IL13RA2: variants seen among roughly 807,000 people sequenced by gnomAD.
IL13RA2 encodes interleukin 13 receptor subunit alpha 2, also known as interleukin-13 receptor subunit alpha-2.
A neutral mutation model predicts 34.1 loss-of-function variants in IL13RA2; 25 were observed. That is an observed-to-expected ratio of 0.73 (90% CI 0.53 to 1.03). IL13RA2 has a LOEUF of 1.03. Among genes scored for constraint, IL13RA2 ranks in the 50% least tolerant of loss-of-function variants. The pLI, the probability that IL13RA2 is intolerant of heterozygous loss-of-function variation, is 0.00. For missense variants in IL13RA2, 297 were observed against 280.9 expected (o/e 1.06, Z -0.41); for synonymous variants, 106 against 100.4 (o/e 1.06, Z -0.33).
At chrX:115,009,208 T>G (rs2071696384) in intron 7 of IL13RA2, among the ~76,000 whole-genome samples, 1 of 107,180 alleles carries the variant, frequency 9.3e-6, no homozygotes, top group African/African-American at 3.4e-5. Flanking sequence ...CTTTGTGGGT[T>G]TTTTTTTTTA....
chrX:115,016,468 T>A (rs1443781766), intron 2 of IL13RA2, among the ~76,000 whole-genome samples: 1 of 109,388 alleles, frequency 9.1e-6, no homozygotes, highest in African/African-American at 3.3e-5. Context: ...AAGCAAAAAA[T>A]TCAATGTGGC....
At chrX:115,009,466 A>G (rs781803412) in intron 7 of IL13RA2, 55 bp downstream of exon 7, 3 of 1,023,508 alleles carry the variant, frequency 2.9e-6, no homozygotes, top group South Asian at 4.1e-5. Flanking sequence ...CACATTTGCT[A>G]TTTTATTTAA....
At chrX:115,008,570 A>T (rs782598147) in intron 7 of IL13RA2, among the ~76,000 whole-genome samples, 1 of 111,851 alleles carries the variant, frequency 8.9e-6, no homozygotes, top group Admixed American at 9.5e-5. Flanking sequence ...GAATAAGGAA[A>T]ACCTACATAA....
At chrX:115,011,199 C>A (rs782658580) in intron 5 of IL13RA2, among the ~76,000 whole-genome samples, 1 of 111,451 alleles carries the variant, frequency 9.0e-6, no homozygotes, top group Non-Finnish European at 1.9e-5. Context: ...CATGATATTG[C>A]CTTTTAAGTT....
At chrX:115,005,075 A>G (rs1556507163) in intron 9 of IL13RA2, 122 bp downstream of exon 9, 10 of 470,389 alleles carry the variant, frequency 2.1e-5, no homozygotes. Context: ...TCCATACGGA[A>G]TCAATTGTAC....
At chrX:115,014,649 A>AT (rs2071719459) in intron 3 of IL13RA2, 75 bp from the exon 4 acceptor site, 3 of 687,115 alleles carry the variant, frequency 4.4e-6, no homozygotes, top group Non-Finnish European at 4.3e-6. Context: ...AATAAGACTA[A>AT]TAAATCATTA....
chrX:115,004,136 T>G (rs1556507014), intron 9 of IL13RA2, 30 bp from the exon 10 acceptor site: 2 of 825,503 alleles, frequency 2.4e-6, no homozygotes, highest in East Asian at 6.3e-5. Context: ...TAACAAGTCA[T>G]CTCTAATAAC....
At chrX:115,010,458 GCGC>G (rs1189024450) in intron 6 of IL13RA2, among the ~76,000 whole-genome samples, 183 bp downstream of exon 6, 3 of 111,076 alleles carry the variant, frequency 2.7e-5, no homozygotes, top group African/African-American at 9.8e-5. Flanking sequence ...TATTTAATAA[GCGC>G]CACCTCATAC....
intron 9 of IL13RA2, 57 bp downstream of exon 9, chrX:115,005,140 G>T: frequency 3.3e-6 from 2 of 613,781 alleles, no homozygotes; most frequent in Non-Finnish European, 5.6e-6. Context: ...TCTAAGTGCA[G>T]AACATTTTAA....
At chrX:115,014,658 T>A in intron 3 of IL13RA2, 84 bp from the exon 4 acceptor site, 1 of 635,116 alleles carries the variant, frequency 1.6e-6, no homozygotes, top group Non-Finnish European at 2.4e-6. Flanking sequence ...AATAAATCAT[T>A]AATACCCTGG....
chrX:115,008,617 A>T, intron 7 of IL13RA2, among the ~76,000 whole-genome samples: 1 of 112,178 alleles, frequency 8.9e-6, no homozygotes, highest in East Asian at 2.8e-4. Context: ...AAGGAAACAA[A>T]ACCTGTATAA....
intron 3 of IL13RA2, 63 bp downstream of exon 3, chrX:115,015,607 G>A (rs2071723690): frequency 9.9e-7 from 1 of 1,009,083 alleles, no homozygotes; most frequent in African/African-American, 1.9e-5. Context: ...GGACACTAAA[G>A]TCAGGAATCA....
Position 115,017,589 on chromosome X carries a change from G to A in IL13RA2, c.-70C>T. The A allele has an allele frequency of 5.1e-6, 1 of 195,726 alleles. No homozygotes were observed. Among genetic ancestry groups the A allele is most frequent in the South Asian group, 8.7e-5 (1 of 11,433 alleles). 16.1% of individuals were successfully genotyped at this position (195,726 alleles called of 1,213,427 possible). A position where few individuals can be genotyped will look rare whatever the true frequency, so the allele number is the denominator to read the frequency against. On this transcript the variant is annotated 5_prime_UTR_variant, in exon 1 of 10. Transcript: ENST00000243213. ...CAGGCACACTTCTGACCAGGTTATGGCGACTTCAAATAGCCTTCATCCGGA... is the reference window on the plus strand; with the variant it reads ...CAGGCACACTTCTGACCAGGTTATGACGACTTCAAATAGCCTTCATCCGGA...
Position 115,015,689 on chromosome X carries a change from A to G in IL13RA2, c.227T>C (p.Ile76Thr), listed in dbSNP as rs782638433. 1.7e-6 allele frequency: 2 copies of G among 1,202,169 alleles called. No individual in the cohort carries two copies. Among genetic ancestry groups the G allele is most frequent in the East Asian group, 3.0e-5 (1 of 33,685 alleles). The stretch of plus-strand genomic sequence containing the variant: ...ACTTACCTTCCATGTTTCACTACCA[A>G]TGTTTCGGTATTTTAGTTCATATTC... ...TVEYELKYRNIGSETWKTIIT... is the reference protein window; with the variant it reads ...TVEYELKYRNTGSETWKTIIT... Residue 76 changes from isoleucine (I) to threonine (T), a missense_variant, in exon 3 of 10, where the codon ATT (isoleucine) becomes ACT (threonine). Ile to Thr is a moderately conservative substitution (Grantham distance 89). Coordinates refer to ENST00000243213, the MANE Select transcript of IL13RA2 (RefSeq NM_000640.3).
chrX:115,012,887 A>T (rs2071711797), intron 5 of IL13RA2, among the ~76,000 whole-genome samples: 1 of 112,019 alleles, frequency 8.9e-6, no homozygotes. Context: ...GATGGATAAA[A>T]ATTGGTGAAA....
At chrX:115,010,574 C>T (rs1461243154) in intron 6 of IL13RA2, 70 bp downstream of exon 6, 5 of 487,959 alleles carry the variant, frequency 1.0e-5, no homozygotes, top group Middle Eastern at 5.6e-4. Context: ...TCTCTCTCAC[C>T]CTCTCAAGTG....
chrX:115,015,457 G>T (rs17095067), intron 3 of IL13RA2, among the ~76,000 whole-genome samples: 1,636 of 110,655 alleles, frequency 0.015, 35 homozygotes, highest in African/African-American at 0.051. Flanking sequence ...TTTTGTTTTT[G>T]TTTTTTTTCT....
chrX:115,005,342 G>A (rs2071681407), intron 8 of IL13RA2, 27 bp from the exon 9 acceptor site: 2 of 681,008 alleles, frequency 2.9e-6, no homozygotes, highest in South Asian at 4.4e-5. Flanking sequence ...CACGGAAAGG[G>A]GAAGTGTTAG....
chrX:115,009,528 G>A lies in IL13RA2; in HGVS notation c.845C>T (p.Thr282Ile), dbSNP rs782417835. 47 of 1,191,719 alleles carry A rather than the reference G, an allele frequency of 3.9e-5. No homozygotes were observed. The highest frequency in any genetic ancestry group is 2.3e-4 in the South Asian group (13 of 56,074). ...YEIEIREDDT[T>I]LVTATVENET... is the part of the protein sequence containing the mutation. ...TAAATGCAATATTCATACCACCAAG[G>A]TAGTATCATCTTCTCTGATCTCAAT... Residue 282 changes from threonine to isoleucine, a missense_variant, in exon 7 of 10, where the codon ACC (threonine) becomes ATC (isoleucine). Physicochemically the swap from Thr to Ile is moderately conservative, Grantham distance 89 (BLOSUM62 -1). Coordinates refer to ENST00000243213, the MANE Select transcript of IL13RA2 (RefSeq NM_000640.3).
Sources: gnomAD v4.1 joint callset for allele counts (sites outside exome capture counted in the v4.1 genomes callset) on GRCh38, gnomAD v4.1.1 for gene constraint, MANE v1.5 for transcripts, NCBI Gene and HGNC (gene_info 2026-07-23, HGNC 2026-07-21) for gene names.